The following BICD2 variants were observed in gnomAD, a reference collection of about 807,000 sequenced individuals.
BICD2 encodes protein bicaudal D homolog 2.
BICD2 carries 25 observed loss-of-function variants against 72.9 expected under a neutral mutation model. That is an observed-to-expected ratio of 0.34 (90% CI 0.25 to 0.48). The LOEUF is 0.48. Ranked by LOEUF, BICD2 falls within the 20% of genes least tolerant of loss-of-function variation. The pLI, the probability that BICD2 is intolerant of heterozygous loss-of-function variation, is 0.99. For missense variants in BICD2, 894 were observed against 1,175.2 expected (o/e 0.76, Z 3.50); for synonymous variants, 501 against 516.1 (o/e 0.97, Z 0.40).
At chr9:92,752,096 C>T (rs946238498) in intron 1 of BICD2, among the ~76,000 whole-genome samples, 11 of 152,100 alleles carry the variant, frequency 7.2e-5, no homozygotes, top group Non-Finnish European at 1.5e-4. Context: ...TGAGCCACTG[C>T]GCCCAGCCAC....
chr9:92,750,189 T>C (rs1854118650), intron 1 of BICD2, among the ~76,000 whole-genome samples: 1 of 152,238 alleles, frequency 6.6e-6, no homozygotes. Flanking sequence ...GAGGGAACTC[T>C]TGTTCAATGC....
At chr9:92,762,888 C>T (rs987134079) in intron 1 of BICD2, among the ~76,000 whole-genome samples, 1 of 152,306 alleles carries the variant, frequency 6.6e-6, no homozygotes, top group African/African-American at 2.4e-5. Flanking sequence ...GTGCTGCCTG[C>T]TGGAGAGGGT....
chr9:92,716,470 C>A (rs1853315629), intron 6 of BICD2, among the ~76,000 whole-genome samples: 1 of 152,186 alleles, frequency 6.6e-6, no homozygotes, highest in African/African-American at 2.4e-5. Context: ...GCACGTCCTG[C>A]AGGGATACTG....
chr9:92,756,997 C>T (rs1854272591), intron 1 of BICD2, among the ~76,000 whole-genome samples: 1 of 152,108 alleles, frequency 6.6e-6, no homozygotes, highest in South Asian at 2.1e-4. Flanking sequence ...AATGCCAGTG[C>T]AGTATGAAAG....
At chr9:92,735,824 G>C (rs1476751670) in intron 1 of BICD2, among the ~76,000 whole-genome samples, 2 of 152,186 alleles carry the variant, frequency 1.3e-5, no homozygotes, top group Non-Finnish European at 2.9e-5. Context: ...TGCTCACTCA[G>C]GCCCTAAGTC....
intron 2 of BICD2, among the ~76,000 whole-genome samples, chr9:92,728,480 G>A (rs1407661756): frequency 6.6e-6 from 1 of 152,212 alleles, no homozygotes; most frequent in Non-Finnish European, 1.5e-5. Flanking sequence ...CCTCCCTGCG[G>A]GCACTCTGCT....
Position 92,729,210 on chromosome 9 carries a change from G to A in BICD2, c.267C>T (p.His89=). Residue 89 remains histidine (H), a synonymous_variant, in exon 2 of 7, where the codon CAC becomes CAT. Coordinates refer to ENST00000356884, the MANE Select transcript of BICD2 (RefSeq NM_001003800.2). The part of the protein sequence containing the change: ...KEAFGQAHTN[H]KKVAADGESR... ...TCTCTCCGTCAGCAGCCACCTTCTT[G>A]TGGTTTGTGTGTGCTTGTCCAAAGG... 1 of 1,614,180 alleles carries A rather than the reference G, an allele frequency of 6.2e-7. No individual in the cohort carries two copies.
chr9:92,764,361 T>C lies in BICD2; in HGVS notation c.240+144A>G. ...AGCCAAGGCCGGGCCCACTCCCACA[T>C]ACTGCCCGTGCCCCCTCCGCCCCGG... On this transcript the variant is annotated intron_variant, in intron 1 of 6. Transcript: ENST00000356884. This position sits in a 1 kb window ranked among gnomAD's most constrained non-coding sequence, Gnocchi z 5.5. 8.4e-7 allele frequency: 1 copy of C among 1,187,386 alleles called. No homozygotes were observed. Among genetic ancestry groups the C allele is most frequent in the Non-Finnish European group, 1.1e-6 (1 of 913,658 alleles). 73.6% of individuals were successfully genotyped at this position (1,187,386 alleles called of 1,614,324 possible). A position where few individuals can be genotyped will look rare whatever the true frequency, so the allele number is the denominator to read the frequency against.
intron 1 of BICD2, among the ~76,000 whole-genome samples, chr9:92,731,105 T>A (rs535469376): frequency 1.3e-5 from 2 of 152,118 alleles, no homozygotes; most frequent in African/African-American, 4.8e-5. Flanking sequence ...AAGTCCCTCA[T>A]TGGGTGAAGG....
At chr9:92,729,727 G>C (rs564565438) in intron 1 of BICD2, among the ~76,000 whole-genome samples, 9 of 152,364 alleles carry the variant, frequency 5.9e-5, no homozygotes, top group African/African-American at 2.2e-4. Flanking sequence ...CAGAGCCCCA[G>C]GCCCGAGGAT....
rs777795062 is a variant in BICD2, at chr9:92,720,338, T to C, written c.1024A>G (p.Ile342Val). The C allele has an allele frequency of 2.5e-6, 4 of 1,613,302 alleles. No individual in the cohort carries two copies. The highest frequency in any genetic ancestry group is 3.4e-6 in the Non-Finnish European group (4 of 1,179,794). The change falls in exon 4 of 7, where the codon ATC (isoleucine) becomes GTC (valine). Residue 342 changes from isoleucine (I) to valine (V), a missense_variant. Transcript: ENST00000356884. The surrounding 1 kb of genome is among the most constrained non-coding windows in gnomAD (Gnocchi z 5.4). The stretch of plus-strand genomic sequence containing the variant: ...TGCTTCAGCTTCTGGATCTCAGAGA[T>C]GTTGAGCTCACTGAGTAGGTCGGAG... ...LVSDLLSELNISEIQKLKQQL... is the reference protein window; with the variant it reads ...LVSDLLSELNVSEIQKLKQQL...
chr9:92,720,615 C>G lies in BICD2; in HGVS notation c.747G>C (p.Thr249=), dbSNP rs145083783. The part of the protein sequence containing the change: ...QLEEALETLK[T]EREQKNSLRK... ...GCAGGCTGTTCTTCTGTTCGCGCTC[C>G]GTCTTCAGGGTCTCCAGCGCCTCCT... is the stretch of plus-strand genomic sequence containing the variant. The change falls in exon 4 of 7, where the codon ACG becomes ACC. Residue 249 remains threonine (T), a synonymous_variant. Transcript: ENST00000356884. The surrounding 1 kb of genome is among the most constrained non-coding windows in gnomAD (Gnocchi z 5.4). The G allele has an allele frequency of 1.2e-6, 2 of 1,614,024 alleles. No homozygotes were observed. Among genetic ancestry groups the G allele is most frequent in the Middle Eastern group, 3.3e-4 (2 of 6,084 alleles).
intron 4 of BICD2, 29 bp from the exon 5 acceptor site, chr9:92,719,611 T>C (rs757833815): frequency 1.3e-6 from 2 of 1,556,876 alleles, no homozygotes; most frequent in South Asian, 1.2e-5. Context: ...CAGGACACCA[T>C]GTCAGTTGCT....
chr9:92,735,822 C>G (rs1159976543), intron 1 of BICD2, among the ~76,000 whole-genome samples: 1 of 152,182 alleles, frequency 6.6e-6, no homozygotes, highest in Non-Finnish European at 1.5e-5. Context: ...CTTGCTCACT[C>G]AGGCCCTAAG....
chr9:92,713,665 T>G lies in BICD2; in HGVS notation c.*1489A>C. The G allele has an allele frequency of 6.9e-7, 1 of 1,440,398 alleles. No individual in the cohort carries two copies. Among genetic ancestry groups the G allele is most frequent in the Non-Finnish European group, 9.2e-7 (1 of 1,091,992 alleles). The allele number at this position is 1,440,398 out of a possible 1,614,324, so 89.2% of individuals were successfully genotyped here. A position where few individuals can be genotyped will look rare whatever the true frequency, so the allele number is the denominator to read the frequency against. On this transcript the variant is annotated 3_prime_UTR_variant, in exon 7 of 7. Coordinates refer to ENST00000356884, the MANE Select transcript of BICD2 (RefSeq NM_001003800.2). Reference sequence around the variant, plus strand: ...ATGGAGAGAAGCTATGTGCCAGGCTTGCAAGGAGAGGGCAAAGCGCATGCA... The same window carrying G: ...ATGGAGAGAAGCTATGTGCCAGGCTGGCAAGGAGAGGGCAAAGCGCATGCA...
At chr9:92,729,295 G>GACC (rs373010083) in intron 1 of BICD2, 59 bp from the exon 2 acceptor site, 1 of 1,564,276 alleles carries the variant, frequency 6.4e-7, no homozygotes, top group African/African-American at 1.4e-5. Context: ...GAAGGATAGA[G>GACC]ACCCAGCTCA....
At chr9:92,762,052 C>G (rs139834549) in intron 1 of BICD2, among the ~76,000 whole-genome samples, 209 of 152,328 alleles carry the variant, frequency 1.4e-3, no homozygotes, top group African/African-American at 5.0e-3. Flanking sequence ...GCGTCCTTCC[C>G]TCAACGATCC....
At chr9:92,717,670 G>T in intron 6 of BICD2, 127 bp downstream of exon 6, 1 of 1,267,402 alleles carries the variant, frequency 7.9e-7, no homozygotes, top group Non-Finnish European at 1.1e-6. Context: ...ATGGAGCTGG[G>T]CACAGCCACT....
intron 1 of BICD2, among the ~76,000 whole-genome samples, chr9:92,757,312 C>CAAAAAAAAAAAAAAAAAAAAAA (rs1169381290): frequency 1.3e-4 from 7 of 52,738 alleles, no homozygotes; most frequent in Non-Finnish European, 1.8e-4. Flanking sequence ...AGACTGTCTC[C>CAAAAAAAAAAAAAAAAAAAAAA]AAAAAAAAAA....
Sources: allele counts gnomAD v4.1 joint callset (sites outside exome capture counted in the v4.1 genomes callset), GRCh38; gene constraint gnomAD v4.1.1; non-coding constraint Gnocchi (gnomAD v3.1); transcripts MANE v1.5; gene names NCBI Gene and HGNC (gene_info 2026-07-23, HGNC 2026-07-21).